Variants in C3 observed in about 807,000 individuals in gnomAD.
C3 encodes the protein C3 and PZP-like alpha-2-macroglobulin domain-containing protein 1.
In C3, 97 loss-of-function variants were observed where a neutral mutation model predicts 207.9. That is an observed-to-expected ratio of 0.47 (90% CI 0.40 to 0.55). The LOEUF is 0.55. Among genes scored for constraint, C3 ranks in the 20% least tolerant of loss-of-function variants. The pLI is 0.00. For missense variants in C3, 1,684 were observed against 2,171.7 expected, an observed-to-expected ratio of 0.78 and a Z score of 4.46; for synonymous variants, 848 against 857.6, an observed-to-expected ratio of 0.99 and a Z score of 0.20.
Position 6,678,134 on chromosome 19 carries a change from C to T in C3, c.4850+18G>A. ...GGGCAGTCGGGCGGTCGCGCGCACG[C>T]GCAGGGAAAGCACTCACTTGGGCTT... On this transcript the variant is annotated intron_variant, in intron 40 of 40. Transcript: ENST00000245907. 7.4e-6 allele frequency: 12 copies of T among 1,614,056 alleles called. No individual in the cohort carries two copies. The highest frequency in any genetic ancestry group is 1.0e-5 in the Non-Finnish European group (12 of 1,180,014).
chr19:6,682,069 C>T (rs529660041), intron 34 of C3, 39 bp from the exon 35 acceptor site: 42 of 1,602,388 alleles, frequency 2.6e-5, no homozygotes, highest in Non-Finnish European at 3.5e-5. Context: ...CCCTCCTGGA[C>T]CCCTCTCTCC....
At chr19:6,695,268 CA>C (rs59296902) in intron 23 of C3, among the ~76,000 whole-genome samples, 5,520 of 107,072 alleles carry the variant, frequency 0.052, 260 homozygotes, top group African/African-American at 0.14. Context: ...GACTCCGCCT[CA>C]AAAAAAAAAA....
At position 6,686,262 on chromosome 19, in the gene C3, A is replaced by G; in HGVS notation, c.3672T>C (p.Gly1224=). 1 of 1,614,140 alleles carries G rather than the reference A, an allele frequency of 6.2e-7. No individual in the cohort carries two copies. Among genetic ancestry groups the G allele is most frequent in the Non-Finnish European group, 8.5e-7 (1 of 1,180,040 alleles). The change falls in exon 29 of 41, where the codon GGT becomes GGC. Residue 1224 remains glycine, a synonymous_variant. Transcript: ENST00000245907. ...AKDKNRWEDP[G]KQLYNVEATS... ...TGGCCTCCACGTTGTAGAGCTGCTTACCAGGGTCCTCCCAGCGGTTCTTAT... is the reference window on the plus strand; with the variant it reads ...TGGCCTCCACGTTGTAGAGCTGCTTGCCAGGGTCCTCCCAGCGGTTCTTAT...
chr19:6,711,781 C>T (rs1184491917), intron 11 of C3, among the ~76,000 whole-genome samples: 3 of 152,290 alleles, frequency 2.0e-5, no homozygotes, highest in South Asian at 4.1e-4. Context: ...AACAGAGCCA[C>T]GTGCACAGAA....
Position 6,707,813 on chromosome 19 carries a change from G to C in C3, c.1962C>G (p.Thr654=). The C allele has an allele frequency of 6.2e-7, 1 of 1,613,588 alleles. No individual in the cohort carries two copies. Among genetic ancestry groups the C allele is most frequent in the Non-Finnish European group, 8.5e-7 (1 of 1,179,982 alleles). The change falls in exon 15 of 41, where the codon ACC becomes ACG. Residue 654 remains threonine, a synonymous_variant. Transcript: ENST00000245907. ...TGGCGACCTCACCTGCCCTCTGGGCGGTCTGCTGGCCACTGCTGCTCGTGA... is the reference window on the plus strand; with the variant it reads ...TGGCGACCTCACCTGCCCTCTGGGCCGTCTGCTGGCCACTGCTGCTCGTGA... The part of the protein sequence containing the change: ...LTFTSSSGQQ[T]AQRAELQCPQ...
intron 38 of C3, 26 bp from the exon 39 acceptor site, chr19:6,678,481 G>A (rs765397948): frequency 7.5e-6 from 12 of 1,606,878 alleles, no homozygotes; most frequent in Admixed American, 1.7e-5. Context: ...AGACAGTTTG[G>A]GTGGTGGGCT....
chr19:6,709,284 C>A (rs935136521), intron 14 of C3, among the ~76,000 whole-genome samples: 9 of 152,106 alleles, frequency 5.9e-5, no homozygotes, highest in Non-Finnish European at 1.3e-4. Context: ...CCCGTCTTCA[C>A]TAAAAATACA....
In C3 at chr19:6,696,600, C is replaced by A; in HGVS notation, c.2856G>T (p.Leu952=). Residue 952 remains leucine, a synonymous_variant, in exon 22 of 41, where the codon CTG becomes CTT. Transcript: ENST00000245907. Reference sequence around the variant, plus strand: ...CCCCTGCAGCCGACTCACCACGGCCCAGGCGTTCTGGATCCAGGGTGCGAA... The same window carrying A: ...CCCCTGCAGCCGACTCACCACGGCCAAGGCGTTCTGGATCCAGGGTGCGAA... ...VAVRTLDPER[L]GREGVQKEDI... The A allele has an allele frequency of 6.2e-7, 1 of 1,614,098 alleles. No homozygotes were observed. Among genetic ancestry groups the A allele is most frequent in the Non-Finnish European group, 8.5e-7 (1 of 1,179,970 alleles).
In C3 at chr19:6,696,666, A is replaced by G. The variant is rs199974057; in HGVS notation, c.2797-7T>C. 6.2e-6 allele frequency: 10 copies of G among 1,613,492 alleles called. No individual in the cohort carries two copies. Among genetic ancestry groups the G allele is most frequent in the Middle Eastern group, 1.6e-4 (1 of 6,084 alleles). On this transcript the variant is annotated splice_polypyrimidine_tract_variant and splice_region_variant and intron_variant, in intron 21 of 40. Coordinates refer to ENST00000245907, the MANE Select transcript of C3 (RefSeq NM_000064.4). Reference sequence around the variant, plus strand: ...TCATTCTGATTCCTTCCGGCTACGCAGTGTTAGAGGTGGGGGGAGTCGTTG... The same window carrying G: ...TCATTCTGATTCCTTCCGGCTACGCGGTGTTAGAGGTGGGGGGAGTCGTTG...
intron 24 of C3, 140 bp downstream of exon 24, chr19:6,694,291 G>T (rs1918250788): frequency 5.5e-6 from 4 of 727,924 alleles, no homozygotes; most frequent in Non-Finnish European, 9.4e-6. Context: ...AGAAGAGGTG[G>T]GGCCTCAAAT....
rs1568224207 is a variant in C3 at position 6,709,587 on chromosome 19, C to A, written c.1845+97G>T. The A allele has an allele frequency of 9.1e-6, 12 of 1,323,504 alleles. No homozygotes were observed. The East Asian group carries it at 1.8e-4, about 20-fold the overall frequency. 82.0% of individuals were successfully genotyped at this position (1,323,504 alleles called of 1,614,324 possible). A position where few individuals can be genotyped will look rare whatever the true frequency, so the allele number is the denominator to read the frequency against. On this transcript the variant is annotated intron_variant, in intron 14 of 40. Transcript: ENST00000245907. ...TCCGATCTCTGCTTTCAGCGCATGC[C>A]CCCCACTGCACTGCCCTCTCCAGTC...
intron 14 of C3, among the ~76,000 whole-genome samples, chr19:6,708,385 T>TCTTGGCCTCCCAAAGTG (rs1361388434): frequency 6.6e-6 from 1 of 152,078 alleles, no homozygotes. Context: ...GATTCGCCTG[T>TCTTGGCCTCCCAAAGTG]CTTGGCCTCC....
intron 2 of C3, among the ~76,000 whole-genome samples, chr19:6,718,982 T>A (rs923736180): frequency 4.4e-5 from 2 of 44,990 alleles, no homozygotes; most frequent in African/African-American, 1.9e-4. Flanking sequence ...TCAGAAGGGG[T>A]GGGGGGGGGT....
At position 6,689,298 on chromosome 19, in the gene C3, CCT is replaced by C. The variant is rs371248769; in HGVS notation, c.3489+1329_3489+1330del. Among the ~76,000 whole-genome samples, 333 of 112,630 alleles carry C rather than the reference CCT, an allele frequency of 3.0e-3. 1 individual carries two copies. Among genetic ancestry groups the C allele is most frequent in the African/African-American group, 3.1e-3 (85 of 27,064 alleles). 73.9% of individuals were successfully genotyped at this position (112,630 alleles called of 152,430 possible). A position where few individuals can be genotyped will look rare whatever the true frequency, so the allele number is the denominator to read the frequency against. On this transcript the variant is annotated intron_variant, in intron 27 of 40. Transcript: ENST00000245907. The stretch of plus-strand genomic sequence containing the variant: ...GTCAGATTTGTCTGACCCCACCTCT[CCT>C]CTCTCTCTCTCTCTCTCTCTCTACC...
intron 1 of C3, among the ~76,000 whole-genome samples, chr19:6,720,308 AT>A (rs1313671352): frequency 6.6e-6 from 1 of 151,802 alleles, no homozygotes; most frequent in Non-Finnish European, 1.5e-5. Flanking sequence ...ATAAACTCCA[AT>A]TCCATGATAC....
rs960829618 is a variant in C3, at chr19:6,687,014, C to G, written c.3490-112G>C. ...CAGGGATTTCTGTCCTTGGGACACACCTGTCTTAGATTTGTCCATTTTTGA... is the reference window on the plus strand; with the variant it reads ...CAGGGATTTCTGTCCTTGGGACACAGCTGTCTTAGATTTGTCCATTTTTGA... On this transcript the variant is annotated intron_variant, in intron 27 of 40. Coordinates refer to ENST00000245907, the MANE Select transcript of C3 (RefSeq NM_000064.4). 10 of 1,131,024 alleles carry G rather than the reference C, an allele frequency of 8.8e-6. No individual in the cohort carries two copies. The Admixed American group carries it at 1.9e-4, about 21-fold the overall frequency. The allele number at this position is 1,131,024 out of a possible 1,614,324, so 70.1% of individuals were successfully genotyped here. A position where few individuals can be genotyped will look rare whatever the true frequency, so the allele number is the denominator to read the frequency against.
At chr19:6,709,900 G>T in intron 13 of C3, 58 bp from the exon 14 acceptor site, 1 of 1,511,336 alleles carries the variant, frequency 6.6e-7, no homozygotes, top group Non-Finnish European at 9.0e-7. Flanking sequence ...GAGTGCCTGG[G>T]ATGGAGTGGG....
In C3 at chr19:6,707,754, T is replaced by C. The variant is rs200896334; in HGVS notation, c.1975+46A>G. 633 of 1,608,982 alleles carry C rather than the reference T, an allele frequency of 3.9e-4. 3 individuals carry two copies. The African/African-American group carries it at 7.5e-3, about 19-fold the overall frequency. ...AGCTCTGCTCCCAGCATCTGGGAGG[T>C]GGAGGTGCTGTCTGTCCCTGCACCG... On this transcript the variant is annotated intron_variant, in intron 15 of 40. Coordinates refer to ENST00000245907, the MANE Select transcript of C3 (RefSeq NM_000064.4).
intron 29 of C3, 116 bp downstream of exon 29, chr19:6,686,008 A>G: frequency 9.6e-7 from 1 of 1,043,750 alleles, no homozygotes. Context: ...CTGCAATCAC[A>G]CTGGCTCGTG....
Sources: allele counts gnomAD v4.1 joint callset (sites outside exome capture counted in the v4.1 genomes callset), GRCh38; gene constraint gnomAD v4.1.1; transcripts MANE v1.5; gene names NCBI Gene and HGNC (gene_info 2026-07-23, HGNC 2026-07-21).